Variants in ACSM2B observed in about 807,000 individuals in gnomAD.
ACSM2B encodes acyl-coenzyme A synthetase ACSM2B, mitochondrial.
A neutral mutation model predicts 78.6 loss-of-function variants in ACSM2B; 58 were observed. The ratio of observed to expected loss-of-function variants is 0.74; its 90% CI spans 0.60 to 0.92. The LOEUF (loss-of-function observed/expected upper bound fraction) is 0.92. Among genes scored for constraint, ACSM2B ranks in the 40% least tolerant of loss-of-function variants. The pLI, the probability that ACSM2B is intolerant of heterozygous loss-of-function variation, is 0.00. For synonymous variants in ACSM2B, 257 were observed against 256.8 expected (o/e 1.00, Z -0.01); for missense variants, 688 against 711.2 (o/e 0.97, Z 0.37).
chr16:20,569,410 T>C (rs1472464290), intron 1 of ACSM2B, among the ~76,000 whole-genome samples: 2 of 151,834 alleles, frequency 1.3e-5, no homozygotes, highest in Non-Finnish European at 2.9e-5. Context: ...TCTATTCTGT[T>C]CCTTCTGTTC....
intron 9 of ACSM2B, among the ~76,000 whole-genome samples, 173 bp from the exon 10 acceptor site, chr16:20,545,431 C>T (rs374988286): frequency 8.2e-4 from 125 of 152,246 alleles, no homozygotes; most frequent in African/African-American, 2.7e-3. Context: ...CTCTGATCCA[C>T]CTGCCTGGAA....
rs573481910 is a variant in ACSM2B at position 20,548,017 on chromosome 16, G to A, written c.1098+45C>T. The A allele has an allele frequency of 1.9e-5, 30 of 1,601,434 alleles. No homozygotes were observed. In the East Asian group the frequency reaches 5.6e-4, roughly 30 times the overall value. On this transcript the variant is annotated intron_variant, in intron 8 of 13. Coordinates refer to ENST00000329697, the MANE Select transcript of ACSM2B (RefSeq NM_001105069.2). ...TTTTATTGTCAAAGAGAATTTTGAA[G>A]CCCAAAAAGTGCACACAGCCCATGG...
intron 1 of ACSM2B, among the ~76,000 whole-genome samples, chr16:20,571,949 A>T (rs1191821712): frequency 6.6e-6 from 1 of 151,292 alleles, no homozygotes; most frequent in Non-Finnish European, 1.5e-5. Context: ...CCTTACCTTA[A>T]GTTTATGTGA....
intron 1 of ACSM2B, among the ~76,000 whole-genome samples, chr16:20,566,250 T>TATATAC (rs2015831678): frequency 2.4e-5 from 1 of 42,330 alleles, no homozygotes; most frequent in African/African-American, 7.0e-5. Context: ...TGGAAGATTA[T>TATATAC]ATATATATAT....
chr16:20,567,540 AAT>A (rs919858251), intron 1 of ACSM2B, among the ~76,000 whole-genome samples: 5 of 131,536 alleles, frequency 3.8e-5, no homozygotes, highest in Non-Finnish European at 7.8e-5. Flanking sequence ...AATAGTATAT[AAT>A]ATATAAATAT....
At chr16:20,566,648 TACTATATATATGTATATATAGTATATAC>T in intron 1 of ACSM2B, among the ~76,000 whole-genome samples, 1 of 49,748 alleles carries the variant, frequency 2.0e-5, no homozygotes, top group South Asian at 8.7e-4. Flanking sequence ...ATATATACTA[TACTATATATATGTATATATAGTATATAC>T]ATATAGTATA....
chr16:20,574,292 G>C (rs1358686479), intron 1 of ACSM2B: 1 of 152,142 alleles, frequency 6.6e-6, no homozygotes, highest in Non-Finnish European at 1.5e-5. Flanking sequence ...GAAAATCACT[G>C]ATATTCTGTT....
chr16:20,567,668 A>G (rs1426453399), intron 1 of ACSM2B, among the ~76,000 whole-genome samples: 27 of 137,812 alleles, frequency 2.0e-4, no homozygotes, highest in Non-Finnish European at 1.5e-4. Flanking sequence ...TATATACTAT[A>G]CTATTATATA....
intron 4 of ACSM2B, among the ~76,000 whole-genome samples, chr16:20,555,036 C>G (rs2015425957): frequency 6.6e-6 from 1 of 152,124 alleles, no homozygotes; most frequent in African/African-American, 2.4e-5. Context: ...GAGGACAATC[C>G]TGGGAGGCAT....
At chr16:20,566,250 TATATATATATATA>T (rs2015832004) in intron 1 of ACSM2B, among the ~76,000 whole-genome samples, 6 of 42,334 alleles carry the variant, frequency 1.4e-4, no homozygotes, top group Middle Eastern at 0.014. Flanking sequence ...TGGAAGATTA[TATATATATATATA>T]TATATATATA....
intron 1 of ACSM2B, among the ~76,000 whole-genome samples, chr16:20,574,832 T>G (rs1190638281): frequency 6.6e-6 from 1 of 150,870 alleles, no homozygotes; most frequent in Non-Finnish European, 1.5e-5. Context: ...TCTTGGCAGA[T>G]TTGAGGCTCA....
chr16:20,563,273 G>A (rs2015721096), intron 2 of ACSM2B, among the ~76,000 whole-genome samples: 1 of 152,042 alleles, frequency 6.6e-6, no homozygotes, highest in Non-Finnish European at 1.5e-5. Flanking sequence ...TATATTTAAT[G>A]GCCATTTGAG....
rs752218868 is a variant in ACSM2B at position 20,554,185 on chromosome 16, A to G, written c.597-265T>C. ...CTGTGTCTCACTTTATATCTGCAAA[A>G]AAGTGAGATCAAGTCTTATAGAGTT... On this transcript the variant is annotated intron_variant, in intron 4 of 13. Coordinates refer to ENST00000329697, the MANE Select transcript of ACSM2B (RefSeq NM_001105069.2). 1.6e-5 allele frequency: 10 copies of G among 619,178 alleles called. 1 individual carries two copies. Among genetic ancestry groups the G allele is most frequent in the Non-Finnish European group, 2.4e-5 (8 of 337,642 alleles). 38.4% of individuals were successfully genotyped at this position (619,178 alleles called of 1,614,324 possible).
chr16:20,540,510 T>C lies in ACSM2B; in HGVS notation c.1629+144A>G, dbSNP rs1258311670. On this transcript the variant is annotated intron_variant, in intron 13 of 13. Transcript: ENST00000329697. ...CACCCGCCTTGGCCTTCCAAAGTGC[T>C]GGGATTGCAGGTGTCAGCCACCATG... 4 of 1,411,470 alleles carry C rather than the reference T, an allele frequency of 2.8e-6. No individual in the cohort carries two copies. In the African/African-American group the frequency reaches 4.3e-5, roughly 15 times the overall value. The allele number at this position is 1,411,470 out of a possible 1,614,324, so 87.4% of individuals were successfully genotyped here.
chr16:20,538,304 G>C (rs550817404), intron 13 of ACSM2B, among the ~76,000 whole-genome samples: 42 of 152,262 alleles, frequency 2.8e-4, no homozygotes, highest in Non-Finnish European at 5.7e-4. Flanking sequence ...TGGCCCGCAG[G>C]CAAAATACAG....
intron 13 of ACSM2B, 21 bp downstream of exon 13, chr16:20,540,633 T>G (rs1378511361): frequency 1.2e-6 from 2 of 1,611,826 alleles, no homozygotes; most frequent in Non-Finnish European, 8.5e-7. Context: ...TTTGAGTGAC[T>G]TGGGAGCTCA....
At position 20,545,069 on chromosome 16, in the gene ACSM2B, G is replaced by A. The variant is rs1230453178; in HGVS notation, c.1281+88C>T. 16 of 1,451,174 alleles carry A rather than the reference G, an allele frequency of 1.1e-5. No individual in the cohort carries two copies. In the East Asian group the frequency reaches 3.3e-4, roughly 30 times the overall value. 89.9% of individuals were successfully genotyped at this position (1,451,174 alleles called of 1,614,324 possible). On this transcript the variant is annotated intron_variant, in intron 10 of 13. Transcript: ENST00000329697. ...TTTGTCTCCATATCTAATGCCTCTT[G>A]GAAGTTTCAGAACATTTGTCCTCCC...
At position 20,568,014 on chromosome 16, in the gene ACSM2B, A is replaced by G. The variant is rs1040216141; in HGVS notation, c.-8-3161T>C. 8.3e-5 allele frequency among the ~76,000 whole-genome samples: 12 copies of G among 143,764 alleles called. No individual in the cohort carries two copies. In the East Asian group the frequency reaches 9.9e-4, roughly 12 times the overall value. 94.3% of individuals were successfully genotyped at this position (143,764 alleles called of 152,430 possible). ...ATTTTTACATATATTTATATTTTAC[A>G]TAATATGTATTGCTACACTCCTGTG... On this transcript the variant is annotated intron_variant, in intron 1 of 13. Coordinates refer to ENST00000329697, the MANE Select transcript of ACSM2B (RefSeq NM_001105069.2).
At chr16:20,558,900 C>T (rs2015556139) in intron 3 of ACSM2B, among the ~76,000 whole-genome samples, 1 of 152,156 alleles carries the variant, frequency 6.6e-6, no homozygotes, top group African/African-American at 2.4e-5. Flanking sequence ...TCACAGTCTA[C>T]CAAATTTATT....
Sources: gnomAD v4.1 joint callset for allele counts (sites outside exome capture counted in the v4.1 genomes callset) on GRCh38, gnomAD v4.1.1 for gene constraint, MANE v1.5 for transcripts, NCBI Gene and HGNC (gene_info 2026-07-23, HGNC 2026-07-21) for gene names.